TMEM131: variants seen among roughly 807,000 people sequenced by gnomAD.
The protein encoded by TMEM131 is 2610524E03Rik.
TMEM131 carries 66 observed loss-of-function variants against 211.6 expected under a neutral mutation model. The observed-to-expected ratio is 0.31, with a 90% CI of 0.26 to 0.38. The LOEUF (loss-of-function observed/expected upper bound fraction) is 0.38, where lower values mean the gene tolerates loss of function less well. Among genes scored for constraint, TMEM131 ranks in the 10% least tolerant of loss-of-function variants. The probability of loss-of-function intolerance (pLI) is 1.00; values close to 1 mark genes in which losing one functional copy is unlikely to be tolerated. For synonymous variants in TMEM131, 844 were observed against 841.3 expected (o/e 1.00, Z -0.06); for missense variants, 2,036 against 2,299.3 (o/e 0.89, Z 2.34).
intron 10 of TMEM131, among the ~76,000 whole-genome samples, chr2:97,834,070 C>T (rs912063548): frequency 6.6e-6 from 1 of 152,130 alleles, no homozygotes; most frequent in East Asian, 1.9e-4. Flanking sequence ...ATACTAACAG[C>T]AAATCTAATT....
chr2:97,802,872 T>TA, intron 22 of TMEM131, 82 bp from the exon 23 acceptor site: 1 of 1,257,018 alleles, frequency 8.0e-7, no homozygotes, highest in Non-Finnish European at 1.1e-6. Flanking sequence ...TAGGCTTATG[T>TA]ACTTGAGAAA....
At chr2:97,914,544 T>TC (rs1473616506) in intron 2 of TMEM131, among the ~76,000 whole-genome samples, 1 of 152,092 alleles carries the variant, frequency 6.6e-6, no homozygotes, top group Non-Finnish European at 1.5e-5. Flanking sequence ...CTCCTGCCCT[T>TC]CCCCCCAAGC....
At chr2:97,844,751 G>A (rs192729420) in intron 5 of TMEM131, among the ~76,000 whole-genome samples, 33 of 152,244 alleles carry the variant, frequency 2.2e-4, no homozygotes, top group Admixed American at 2.0e-3. Flanking sequence ...GTATGTGCAG[G>A]AACTCACTCC....
At chr2:97,958,176 A>C (rs1678658175) in intron 1 of TMEM131, among the ~76,000 whole-genome samples, 1 of 152,246 alleles carries the variant, frequency 6.6e-6, no homozygotes, top group South Asian at 2.1e-4. Flanking sequence ...AAGAGAATTA[A>C]GAAGAGGCTG....
intron 6 of TMEM131, 92 bp downstream of exon 6, chr2:97,844,053 C>T (rs904836544): frequency 1.0e-5 from 4 of 384,666 alleles, no homozygotes; most frequent in Admixed American, 9.3e-5. Flanking sequence ...TTCTATTATC[C>T]TTTGAGTTCC....
intron 31 of TMEM131, among the ~76,000 whole-genome samples, chr2:97,782,230 C>T (rs1680043461): frequency 6.6e-6 from 1 of 152,226 alleles, no homozygotes; most frequent in Non-Finnish European, 1.5e-5. Flanking sequence ...ACCAGAACTC[C>T]CAGCCCTACC....
chr2:97,909,081 A>G (rs1196393475), intron 2 of TMEM131, among the ~76,000 whole-genome samples: 2 of 152,204 alleles, frequency 1.3e-5, no homozygotes, highest in East Asian at 1.9e-4. Flanking sequence ...TGAGGGAGAT[A>G]GTCATTTAAA....
At chr2:97,845,892 T>C (rs1257047438) in intron 5 of TMEM131, among the ~76,000 whole-genome samples, 2 of 152,054 alleles carry the variant, frequency 1.3e-5, no homozygotes, top group East Asian at 1.9e-4. Context: ...GTGGACATCA[T>C]TGCATACACT....
At chr2:97,776,752 T>A (rs1406046594) in intron 31 of TMEM131, among the ~76,000 whole-genome samples, 1 of 152,200 alleles carries the variant, frequency 6.6e-6, no homozygotes, top group Non-Finnish European at 1.5e-5. Context: ...GCCACTCAAG[T>A]GCTTCCCTTT....
At chr2:97,797,308 G>A in intron 26 of TMEM131, 57 bp downstream of exon 26, 1 of 1,446,998 alleles carries the variant, frequency 6.9e-7, no homozygotes, top group South Asian at 1.4e-5. Flanking sequence ...CTTAAAACAA[G>A]TGAGGACTTC....
At chr2:97,852,932 A>G (rs1254636834) in intron 5 of TMEM131, among the ~76,000 whole-genome samples, 1 of 152,262 alleles carries the variant, frequency 6.6e-6, no homozygotes, top group Non-Finnish European at 1.5e-5. Context: ...TGTGCTCTAT[A>G]AATGGACAAG....
intron 12 of TMEM131, among the ~76,000 whole-genome samples, chr2:97,817,649 G>A (rs1489608536): frequency 6.6e-6 from 1 of 152,138 alleles, no homozygotes; most frequent in Non-Finnish European, 1.5e-5. Context: ...AGTCCTCACT[G>A]AGCTCACAGG....
chr2:97,931,280 T>C (rs1303923015), intron 1 of TMEM131, among the ~76,000 whole-genome samples: 1 of 151,782 alleles, frequency 6.6e-6, no homozygotes, highest in Non-Finnish European at 1.5e-5. Context: ...CCGACCCACA[T>C]CTCTAAGCTG....
chr2:97,860,883 G>A (rs1674038026), intron 4 of TMEM131, among the ~76,000 whole-genome samples: 1 of 152,196 alleles, frequency 6.6e-6, no homozygotes, highest in Non-Finnish European at 1.5e-5. Flanking sequence ...GCAATGAAGA[G>A]GGTAGGGAAG....
intron 1 of TMEM131, among the ~76,000 whole-genome samples, chr2:97,965,286 C>A (rs1425114708): frequency 6.6e-6 from 1 of 152,198 alleles, no homozygotes; most frequent in African/African-American, 2.4e-5. Flanking sequence ...CCGATTAATT[C>A]TTTTCCTCAT....
chr2:97,877,451 A>C (rs1674745388), intron 4 of TMEM131, among the ~76,000 whole-genome samples: 1 of 152,232 alleles, frequency 6.6e-6, no homozygotes, highest in Non-Finnish European at 1.5e-5. Context: ...TGTGACTTCA[A>C]ACTATGCTAC....
chr2:97,967,079 C>T (rs1344430435), intron 1 of TMEM131, among the ~76,000 whole-genome samples: 1 of 152,148 alleles, frequency 6.6e-6, no homozygotes, highest in Admixed American at 6.5e-5. Context: ...GGCGGTGAGT[C>T]AGATGGAACT....
intron 22 of TMEM131, among the ~76,000 whole-genome samples, chr2:97,803,842 C>A (rs1429915372): frequency 2.0e-5 from 3 of 152,198 alleles, no homozygotes; most frequent in Non-Finnish European, 2.9e-5. Flanking sequence ...TTGTTCATAA[C>A]TGGACATTAA....
intron 1 of TMEM131, among the ~76,000 whole-genome samples, chr2:97,991,023 G>A (rs1168908588): frequency 6.6e-6 from 1 of 151,790 alleles, no homozygotes. Flanking sequence ...AAATTTATTC[G>A]AATTTATATT....
Sources: gnomAD v4.1 joint callset for allele counts (sites outside exome capture counted in the v4.1 genomes callset) on GRCh38, gnomAD v4.1.1 for gene constraint, MANE v1.5 for transcripts, NCBI Gene and HGNC (gene_info 2026-07-23, HGNC 2026-07-21) for gene names.